CPNE4: variants seen among roughly 807,000 people sequenced by gnomAD.
The protein encoded by CPNE4 is copine 4.
Under a neutral mutation model 67.9 loss-of-function variants are expected in CPNE4, and 25 were observed. That is an observed-to-expected ratio of 0.37 (90% CI 0.27 to 0.51). The LOEUF is 0.51. Among genes scored for constraint, CPNE4 ranks in the 20% least tolerant of loss-of-function variants. The pLI is 0.93. For missense variants in CPNE4, 464 were observed against 690.8 expected, an observed-to-expected ratio of 0.67 and a Z score of 3.68; for synonymous variants, 242 against 244.9, an observed-to-expected ratio of 0.99 and a Z score of 0.11.
At chr3:131,658,276 A>C (rs2080029776) in intron 7 of CPNE4, among the ~76,000 whole-genome samples, 1 of 152,218 alleles carries the variant, frequency 6.6e-6, no homozygotes, top group African/African-American at 2.4e-5. Flanking sequence ...GACTAGACCC[A>C]GTGAGACGGG....
chr3:131,621,050 C>T (rs927637449), intron 7 of CPNE4, among the ~76,000 whole-genome samples: 3 of 152,082 alleles, frequency 2.0e-5, no homozygotes, highest in Non-Finnish European at 4.4e-5. Context: ...AAGAGGGATC[C>T]TTAGCAAAAA....
chr3:131,810,162 T>C (rs1442637095), intron 2 of CPNE4, among the ~76,000 whole-genome samples: 3 of 152,024 alleles, frequency 2.0e-5, no homozygotes, highest in East Asian at 1.9e-4. Context: ...ATGTTTTAGA[T>C]ATGACACTAA....
At chr3:131,647,420 G>A (rs1421230915) in intron 7 of CPNE4, among the ~76,000 whole-genome samples, 4 of 152,170 alleles carry the variant, frequency 2.6e-5, no homozygotes, top group Non-Finnish European at 5.9e-5. Context: ...AATGTAGGAC[G>A]TGGAAGGAAG....
chr3:131,805,002 A>C (rs2084258944), intron 2 of CPNE4, among the ~76,000 whole-genome samples: 1 of 152,222 alleles, frequency 6.6e-6, no homozygotes, highest in Non-Finnish European at 1.5e-5. Flanking sequence ...TTATTATTTA[A>C]GGGAAATAGT....
At chr3:131,553,311 G>A (rs148729337) in intron 12 of CPNE4, among the ~76,000 whole-genome samples, 1 of 152,060 alleles carries the variant, frequency 6.6e-6, no homozygotes, top group African/African-American at 2.4e-5. Context: ...CTTAGTGGGA[G>A]GTGATCGGTG....
intron 8 of CPNE4, among the ~76,000 whole-genome samples, chr3:131,583,594 A>G (rs1313372835): frequency 6.6e-6 from 1 of 152,110 alleles, no homozygotes; most frequent in Non-Finnish European, 1.5e-5. Context: ...TGAAAAGTCT[A>G]CTCACTTCCT....
At chr3:131,637,441 A>G (rs1347711863) in intron 7 of CPNE4, among the ~76,000 whole-genome samples, 11 of 152,200 alleles carry the variant, frequency 7.2e-5, no homozygotes, top group Admixed American at 7.2e-4. Context: ...AGAAGGAAGA[A>G]TTTCAGAGCT....
At chr3:131,932,237 C>T (rs2071084435) in intron 1 of CPNE4, among the ~76,000 whole-genome samples, 1 of 152,172 alleles carries the variant, frequency 6.6e-6, no homozygotes, top group African/African-American at 2.4e-5. Flanking sequence ...ATAAAATCAG[C>T]TGGTTCAGTT....
chr3:131,895,292 T>C (rs2088282988), intron 2 of CPNE4, among the ~76,000 whole-genome samples: 1 of 152,046 alleles, frequency 6.6e-6, no homozygotes, highest in Non-Finnish European at 1.5e-5. Flanking sequence ...GGTGTTTTAA[T>C]GCACAGTAGA....
intron 1 of CPNE4, among the ~76,000 whole-genome samples, chr3:131,933,217 G>A (rs992836770): frequency 6.6e-6 from 1 of 152,100 alleles, no homozygotes; most frequent in Non-Finnish European, 1.5e-5. Flanking sequence ...AGAATGGATT[G>A]GGAAAGAGGA....
At chr3:131,705,681 A>G (rs891835699) in intron 3 of CPNE4, among the ~76,000 whole-genome samples, 3 of 152,286 alleles carry the variant, frequency 2.0e-5, no homozygotes, top group Middle Eastern at 6.8e-3. Flanking sequence ...ATGAGTCAGA[A>G]TAACAAGAGC....
chr3:131,726,875 T>C (rs2082013518), intron 2 of CPNE4, among the ~76,000 whole-genome samples: 1 of 152,190 alleles, frequency 6.6e-6, no homozygotes, highest in South Asian at 2.1e-4. Flanking sequence ...AATGAGGAGA[T>C]GTAGAGTCTA....
chr3:131,692,028 GAA>G (rs749090366), intron 5 of CPNE4, among the ~76,000 whole-genome samples: 2 of 152,066 alleles, frequency 1.3e-5, no homozygotes, highest in Non-Finnish European at 2.9e-5. Flanking sequence ...GCATTTTACT[GAA>G]GTGTTGCTGT....
intron 1 of CPNE4, among the ~76,000 whole-genome samples, chr3:132,022,035 AC>A (rs1486586015): frequency 6.6e-6 from 1 of 152,124 alleles, no homozygotes; most frequent in Non-Finnish European, 1.5e-5. Context: ...CTATTATTCC[AC>A]CCCATAGAAA....
At chr3:131,974,331 CAT>C (rs1292308568) in intron 1 of CPNE4, among the ~76,000 whole-genome samples, 1 of 152,130 alleles carries the variant, frequency 6.6e-6, no homozygotes, top group African/African-American at 2.4e-5. Context: ...TCTATACACA[CAT>C]GTGCATGTAT....
intron 7 of CPNE4, among the ~76,000 whole-genome samples, chr3:131,592,968 G>T (rs1938626358): frequency 6.6e-6 from 1 of 152,146 alleles, no homozygotes; most frequent in Admixed American, 6.5e-5. Context: ...TGATTGCCTT[G>T]AACCCATTAA....
At chr3:131,615,195 C>T (rs1489025237) in intron 7 of CPNE4, among the ~76,000 whole-genome samples, 1 of 152,128 alleles carries the variant, frequency 6.6e-6, no homozygotes, top group Admixed American at 6.6e-5. Context: ...TTTCCTTTCC[C>T]TCATATTTGC....
chr3:131,845,070 C>T (rs189605922), intron 2 of CPNE4, among the ~76,000 whole-genome samples: 12 of 152,274 alleles, frequency 7.9e-5, no homozygotes, highest in Admixed American at 3.3e-4. Context: ...CTTGTGAAAT[C>T]ACCTAACAAA....
chr3:131,566,265 T>C (rs1000045876), intron 10 of CPNE4, among the ~76,000 whole-genome samples: 10 of 151,864 alleles, frequency 6.6e-5, no homozygotes, highest in African/African-American at 2.4e-4. Context: ...CCAAAATGGG[T>C]GTAAAACTTA....
Sources: allele counts gnomAD v4.1 joint callset (sites outside exome capture counted in the v4.1 genomes callset), GRCh38; gene constraint gnomAD v4.1.1; transcripts MANE v1.5; gene names NCBI Gene and HGNC (gene_info 2026-07-23, HGNC 2026-07-21).